SLC47A1: variants seen among roughly 807,000 people sequenced by gnomAD.
SLC47A1 encodes the protein multidrug and toxin extrusion protein 1.
In SLC47A1, 58 loss-of-function variants were observed where a neutral mutation model predicts 65.8. The observed-to-expected ratio is 0.88, with a 90% confidence interval of 0.71 to 1.10. SLC47A1 has a LOEUF of 1.10. SLC47A1 is among the 50% of genes least tolerant of loss of function. SLC47A1 has a pLI of 0.00. For missense variants in SLC47A1, 706 were observed against 719.2 expected (o/e 0.98, Z 0.21); for synonymous variants, 285 against 295.0 (o/e 0.97, Z 0.35).
At position 19,572,865 on chromosome 17, in the gene SLC47A1, A is replaced by C. The variant is rs757753408; in HGVS notation, c.1486+4A>C. The C allele has an allele frequency of 4.3e-6, 7 of 1,613,848 alleles. No individual in the cohort carries two copies. In the African/African-American group the frequency reaches 9.3e-5, roughly 22 times the overall value. On this transcript the variant is annotated splice_donor_region_variant and intron_variant, in intron 16 of 16. Transcript: ENST00000270570. Reference sequence around the variant, plus strand: ...CCTCAGGATCCGCTTCACCCAGGTAAGATATGACTCCCTCAGCCCTTGGAC... The same window carrying C: ...CCTCAGGATCCGCTTCACCCAGGTACGATATGACTCCCTCAGCCCTTGGAC...
In SLC47A1 at chr17:19,551,310, C is replaced by T. The variant is rs188131830; in HGVS notation, c.499-114C>T. ...AGACGACAGCCTCTGTGGCTCCGTG[C>T]GGGAGCAGAGGGCAGCCGAACCTTG... On this transcript the variant is annotated intron_variant, in intron 5 of 16. Coordinates refer to ENST00000270570, the MANE Select transcript of SLC47A1 (RefSeq NM_018242.3). 1.0e-4 allele frequency: 93 copies of T among 919,136 alleles called. No individual in the cohort carries two copies. In the African/African-American group the frequency reaches 1.4e-3, roughly 14 times the overall value. The allele number at this position is 919,136 out of a possible 1,614,324, so 56.9% of individuals were successfully genotyped here.
intron 6 of SLC47A1, among the ~76,000 whole-genome samples, chr17:19,552,394 A>G (rs1215300991): frequency 6.6e-6 from 1 of 152,230 alleles, no homozygotes; most frequent in Non-Finnish European, 1.5e-5. Context: ...CGATTAGCAT[A>G]GAATGACATA....
At chr17:19,539,651 A>AT (rs1231266124) in intron 1 of SLC47A1, among the ~76,000 whole-genome samples, 2 of 151,932 alleles carry the variant, frequency 1.3e-5, no homozygotes, top group Non-Finnish European at 2.9e-5. Context: ...CACCCAGCTA[A>AT]TTTTTTGTAT....
chr17:19,560,561 T>A, intron 12 of SLC47A1, 68 bp downstream of exon 12: 1 of 1,510,996 alleles, frequency 6.6e-7, no homozygotes, highest in Non-Finnish European at 9.2e-7. Flanking sequence ...GAAAATTTGT[T>A]CTCTAAAATC....
intron 6 of SLC47A1, 106 bp downstream of exon 6, chr17:19,551,574 G>T (rs1204711068): frequency 2.1e-5 from 20 of 959,786 alleles, no homozygotes; most frequent in Non-Finnish European, 3.2e-5. Context: ...AGGGTGGAGG[G>T]AGCTCACTGC....
At chr17:19,554,191 C>T (rs1181093881) in intron 6 of SLC47A1, among the ~76,000 whole-genome samples, 1 of 152,096 alleles carries the variant, frequency 6.6e-6, no homozygotes, top group East Asian at 1.9e-4. Context: ...GACATTTAAG[C>T]GAAATCATGG....
At chr17:19,540,849 G>GACACATACACACACACACACACAC (rs1916124830) in intron 1 of SLC47A1, among the ~76,000 whole-genome samples, 1 of 142,940 alleles carries the variant, frequency 7.0e-6, no homozygotes, top group Admixed American at 6.9e-5. Context: ...TCCTACAACA[G>GACACATACACACACACACACACAC]ACACACACAC....
intron 15 of SLC47A1, 97 bp from the exon 16 acceptor site, chr17:19,572,683 T>C: frequency 9.0e-7 from 1 of 1,110,338 alleles, no homozygotes; most frequent in African/African-American, 1.5e-5. Flanking sequence ...ACATGCCAAT[T>C]AAGGAAAATG....
intron 1 of SLC47A1, among the ~76,000 whole-genome samples, chr17:19,538,781 G>A (rs1225887242): frequency 6.6e-6 from 1 of 152,218 alleles, no homozygotes; most frequent in Non-Finnish European, 1.5e-5. Context: ...GGAGGGGGTA[G>A]GAGAGGCTGT....
chr17:19,539,804 C>A (rs780896336), intron 1 of SLC47A1, among the ~76,000 whole-genome samples: 3 of 152,070 alleles, frequency 2.0e-5, no homozygotes, highest in Non-Finnish European at 2.9e-5. Flanking sequence ...CTGGGTCTTG[C>A]GATGGGCCAG....
At chr17:19,572,689 A>G in intron 15 of SLC47A1, 91 bp from the exon 16 acceptor site, 4 of 1,198,586 alleles carry the variant, frequency 3.3e-6, no homozygotes, top group Non-Finnish European at 5.0e-6. Context: ...CAATTAAGGA[A>G]AATGGCTTGG....
Position 19,549,484 on chromosome 17 carries a change from G to A in SLC47A1, c.456-151G>A, listed in dbSNP as rs1017505232. On this transcript the variant is annotated intron_variant, in intron 4 of 16. Transcript: ENST00000270570. ...GCTGGGATTACAGGCGTGAGCCACC[G>A]CGCCCGGCCTGCTCCAGCAACTTAA... 1.7e-5 allele frequency: 13 copies of A among 763,816 alleles called. No individual in the cohort carries two copies. The Middle Eastern group carries it at 1.2e-3, about 69-fold the overall frequency. 47.3% of individuals were successfully genotyped at this position (763,816 alleles called of 1,614,324 possible).
At chr17:19,556,129 A>G (rs372192417) in intron 10 of SLC47A1, 67 bp downstream of exon 10, 9 of 1,539,428 alleles carry the variant, frequency 5.8e-6, no homozygotes, top group East Asian at 2.2e-5. Flanking sequence ...GAAAGAGTCT[A>G]TGGATGAGCA....
intron 1 of SLC47A1, among the ~76,000 whole-genome samples, chr17:19,536,644 G>T (rs1915995566): frequency 1.3e-5 from 2 of 152,142 alleles, no homozygotes. Context: ...ACCGGCCTGG[G>T]TCTGTCTCCC....
intron 12 of SLC47A1, among the ~76,000 whole-genome samples, chr17:19,562,407 CA>C (rs1159716083): frequency 1.3e-5 from 2 of 151,332 alleles, no homozygotes; most frequent in African/African-American, 4.9e-5. Context: ...ACTAAAAATA[CA>C]AAAAAAATTA....
intron 12 of SLC47A1, 23 bp downstream of exon 12, chr17:19,560,516 A>G (rs749187129): frequency 1.2e-6 from 2 of 1,611,258 alleles, no homozygotes; most frequent in Non-Finnish European, 8.5e-7. Context: ...ATTTTCTTGA[A>G]ATGTGAAATC....
chr17:19,559,706 A>AT (rs1389963121), intron 10 of SLC47A1, among the ~76,000 whole-genome samples: 5 of 152,010 alleles, frequency 3.3e-5, no homozygotes, highest in African/African-American at 4.8e-5. Flanking sequence ...TAAGTTTTGT[A>AT]TTTTTTAATA....
intron 13 of SLC47A1, 105 bp downstream of exon 13, chr17:19,566,964 T>TA: frequency 6.3e-7 from 1 of 1,588,354 alleles, no homozygotes; most frequent in South Asian, 1.1e-5. Flanking sequence ...TGAATATTGT[T>TA]ACCACATTTC....
intron 2 of SLC47A1, among the ~76,000 whole-genome samples, chr17:19,543,219 C>T (rs1224729683): frequency 6.6e-6 from 1 of 151,822 alleles, no homozygotes; most frequent in East Asian, 1.9e-4. Flanking sequence ...AAGCAATTCT[C>T]CTGTCTCAGC....
Sources: allele counts gnomAD v4.1 joint callset (sites outside exome capture counted in the v4.1 genomes callset), GRCh38; gene constraint gnomAD v4.1.1; transcripts MANE v1.5; gene names NCBI Gene and HGNC (gene_info 2026-07-23, HGNC 2026-07-21).